SEMA5B: variants seen among roughly 807,000 people sequenced by gnomAD.
SEMA5B encodes the protein semaphorin-5B.
Under a neutral mutation model 135.0 loss-of-function variants are expected in SEMA5B, and 66 were observed. The observed-to-expected ratio is 0.49, with a 90% CI of 0.40 to 0.60. The LOEUF (loss-of-function observed/expected upper bound fraction) is 0.60, where lower values mean the gene tolerates loss of function less well. Ranked by LOEUF, SEMA5B falls within the 20% of genes least tolerant of loss-of-function variation. SEMA5B has a pLI of 0.00. For missense variants in SEMA5B, 1,501 were observed against 1,566.3 expected, an observed-to-expected ratio of 0.96 and a Z score of 0.70; for synonymous variants, 690 against 639.5, an observed-to-expected ratio of 1.08 and a Z score of -1.19.
intron 1 of SEMA5B, chr3:122,975,281 T>A (rs1172895133): frequency 1.3e-5 from 2 of 151,890 alleles, no homozygotes; most frequent in African/African-American, 4.8e-5. Context: ...GGGAAAGGAG[T>A]GTGATGGATG....
chr3:122,964,972 T>C (rs1940755217), intron 1 of SEMA5B, among the ~76,000 whole-genome samples: 1 of 152,194 alleles, frequency 6.6e-6, no homozygotes, highest in Non-Finnish European at 1.5e-5. Flanking sequence ...AACAGCCTCC[T>C]GGCTGAGTCA....
intron 1 of SEMA5B, among the ~76,000 whole-genome samples, chr3:122,967,057 T>C (rs1431565642): frequency 6.6e-6 from 1 of 151,414 alleles, no homozygotes; most frequent in African/African-American, 2.4e-5. Flanking sequence ...GTTAATTTTG[T>C]ATTTTTAGTA....
chr3:122,937,942 C>T (rs1939373918), intron 5 of SEMA5B, among the ~76,000 whole-genome samples: 1 of 152,188 alleles, frequency 6.6e-6, no homozygotes, highest in Admixed American at 6.5e-5. Context: ...TGGCTTCCCC[C>T]AGGCCCTGAC....
intron 1 of SEMA5B, among the ~76,000 whole-genome samples, chr3:123,017,779 G>T (rs1357314722): frequency 1.3e-5 from 2 of 152,024 alleles, no homozygotes; most frequent in Non-Finnish European, 2.9e-5. Context: ...GCAGTGGCGG[G>T]TGCCTGTAAT....
intron 1 of SEMA5B, among the ~76,000 whole-genome samples, chr3:122,973,305 G>C (rs531622584): frequency 6.6e-6 from 1 of 152,202 alleles, no homozygotes; most frequent in Non-Finnish European, 1.5e-5. Flanking sequence ...AGTGCCCTGA[G>C]GAGAGGCAGC....
intron 1 of SEMA5B, among the ~76,000 whole-genome samples, chr3:123,006,609 C>G (rs538810768): frequency 6.6e-6 from 1 of 152,148 alleles, no homozygotes; most frequent in Admixed American, 6.6e-5. Context: ...TGGGGCAAAC[C>G]CTTTCCCTTA....
intron 1 of SEMA5B, among the ~76,000 whole-genome samples, chr3:123,025,130 G>A (rs1274652344): frequency 1.3e-5 from 2 of 152,196 alleles, no homozygotes; most frequent in African/African-American, 4.8e-5. Context: ...TGTTGGGCTG[G>A]ACCTCTCGGC....
At chr3:122,916,848 C>A (rs1384685039) in intron 12 of SEMA5B, among the ~76,000 whole-genome samples, 3 of 152,158 alleles carry the variant, frequency 2.0e-5, no homozygotes, top group African/African-American at 7.2e-5. Flanking sequence ...CATCCCAGTT[C>A]TCGGTTCCTC....
chr3:122,927,651 A>C (rs549569687), intron 8 of SEMA5B, 139 bp downstream of exon 8: 53 of 518,868 alleles, frequency 1.0e-4, no homozygotes, highest in Middle Eastern at 5.2e-4. Context: ...ACTCTGCCCT[A>C]CTCTGGACCT....
chr3:123,013,392 G>A (rs957285357), intron 1 of SEMA5B, among the ~76,000 whole-genome samples: 24 of 152,336 alleles, frequency 1.6e-4, no homozygotes, highest in African/African-American at 4.6e-4. Flanking sequence ...AAAAGGACCG[G>A]TTCACTTGGT....
chr3:122,921,907 C>G lies in SEMA5B; in HGVS notation c.1688+8G>C. ...GGAGGCCTCGGGAGCCGCCCCGTCC[C>G]GGCTTACCCCTGGCTGCGGTAGGCG... On this transcript the variant is annotated splice_region_variant and intron_variant, in intron 12 of 22. Coordinates refer to ENST00000357599, the MANE Select transcript of SEMA5B (RefSeq NM_001031702.4). The G allele has an allele frequency of 2.0e-6, 3 of 1,528,846 alleles. No homozygotes were observed. Among genetic ancestry groups the G allele is most frequent in the Non-Finnish European group, 2.6e-6 (3 of 1,143,756 alleles). 94.7% of individuals were successfully genotyped at this position (1,528,846 alleles called of 1,614,324 possible).
At chr3:122,996,965 C>G (rs2120806) in intron 1 of SEMA5B, among the ~76,000 whole-genome samples, 1 of 152,238 alleles carries the variant, frequency 6.6e-6, no homozygotes, top group Middle Eastern at 3.4e-3. Flanking sequence ...CCCTTGGGTT[C>G]TTTACTTGCC....
chr3:122,988,715 TG>T (rs2107709007), intron 1 of SEMA5B, among the ~76,000 whole-genome samples: 1 of 152,340 alleles, frequency 6.6e-6, no homozygotes, highest in East Asian at 1.9e-4. Flanking sequence ...GGGTGGGGCC[TG>T]GAAAGCTCTG....
chr3:122,913,591 G>A lies in SEMA5B; in HGVS notation c.2223C>T (p.Gly741=). 6.2e-7 allele frequency: 1 copy of A among 1,613,382 alleles called. No homozygotes were observed. The highest frequency in any genetic ancestry group is 8.5e-7 in the Non-Finnish European group (1 of 1,179,942). The change falls in exon 16 of 23, where the codon GGC becomes GGT. Residue 741 remains glycine (G), a synonymous_variant. Coordinates refer to ENST00000357599, the MANE Select transcript of SEMA5B (RefSeq NM_001031702.4). The part of the protein sequence containing the change: ...WSKCSSNCGG[G]MQSRRRACEN... ...CGCAGGCCCGACGCCGCGACTGCAT[G>A]CCCCCTCCACAGTTGCTGCTGCACT... is the stretch of plus-strand genomic sequence containing the variant.
chr3:122,928,753 G>A (rs1938782825), intron 6 of SEMA5B, 138 bp from the exon 7 acceptor site: 3 of 758,322 alleles, frequency 4.0e-6, no homozygotes, highest in South Asian at 1.8e-5. Flanking sequence ...CTGTCCCGAC[G>A]TCCGGGTCAC....
At chr3:122,963,368 C>T (rs1246307687) in intron 1 of SEMA5B, among the ~76,000 whole-genome samples, 1 of 152,030 alleles carries the variant, frequency 6.6e-6, no homozygotes, top group Admixed American at 6.6e-5. Flanking sequence ...TGGTCCGCAC[C>T]TGTATTCCCA....
chr3:123,004,577 T>G (rs1436672029), intron 1 of SEMA5B, among the ~76,000 whole-genome samples: 1 of 152,196 alleles, frequency 6.6e-6, no homozygotes, highest in South Asian at 2.1e-4. Context: ...TGTTGTTGCT[T>G]AAAGAGGCCA....
At chr3:122,936,752 C>A (rs906832470) in intron 5 of SEMA5B, among the ~76,000 whole-genome samples, 1 of 152,176 alleles carries the variant, frequency 6.6e-6, no homozygotes, top group Non-Finnish European at 1.5e-5. Context: ...GATAAATAAC[C>A]ACACAGGTGA....
intron 1 of SEMA5B, among the ~76,000 whole-genome samples, chr3:123,025,234 A>C (rs1332736745): frequency 6.6e-6 from 1 of 152,190 alleles, no homozygotes; most frequent in African/African-American, 2.4e-5. Context: ...ATCTCAGGGC[A>C]GAGTCAATAA....
Sources: gnomAD v4.1 joint callset for allele counts (sites outside exome capture counted in the v4.1 genomes callset) on GRCh38, gnomAD v4.1.1 for gene constraint, MANE v1.5 for transcripts, NCBI Gene and HGNC (gene_info 2026-07-23, HGNC 2026-07-21) for gene names.